The following EPHA5 variants were observed in gnomAD, a reference collection of about 807,000 sequenced individuals.
EPHA5 encodes ephrin type-A receptor 5.
Under a neutral mutation model 105.0 loss-of-function variants are expected in EPHA5, and 60 were observed. That is an observed-to-expected ratio of 0.57 (90% CI 0.46 to 0.71). The LOEUF (loss-of-function observed/expected upper bound fraction) is 0.71. Ranked by LOEUF, EPHA5 falls within the 30% of genes least tolerant of loss-of-function variation. EPHA5 has a pLI of 0.00. For missense variants in EPHA5, 1,218 were observed against 1,274.7 expected, an observed-to-expected ratio of 0.96 and a Z score of 0.68; for synonymous variants, 513 against 449.1, an observed-to-expected ratio of 1.14 and a Z score of -1.80.
At position 65,348,779 on chromosome 4, in the gene EPHA5, A is replaced by ATGTGTG. The variant is rs758698685; in HGVS notation, c.2446-582_2446-577dup. 3.7e-4 allele frequency among the ~76,000 whole-genome samples: 26 copies of ATGTGTG among 69,568 alleles called. 1 individual carries two copies. Among genetic ancestry groups the ATGTGTG allele is most frequent in the African/African-American group, 4.9e-4 (10 of 20,560 alleles). 45.6% of individuals were successfully genotyped at this position (69,568 alleles called of 152,430 possible). ...TATATGTGTATATATATGTGTGTGC[A>ATGTGTG]TGTGTGTGTGTGTGTATATATATAT... On this transcript the variant is annotated intron_variant, in intron 13 of 16. Transcript: ENST00000613740.
At chr4:65,613,216 C>A (rs921748477) in intron 2 of EPHA5, among the ~76,000 whole-genome samples, 10 of 152,042 alleles carry the variant, frequency 6.6e-5, no homozygotes, top group African/African-American at 2.4e-4. Flanking sequence ...GGACTCTATT[C>A]TGTTCCACTG....
At chr4:65,473,663 T>C (rs1240007655) in intron 5 of EPHA5, among the ~76,000 whole-genome samples, 1 of 151,964 alleles carries the variant, frequency 6.6e-6, no homozygotes, top group African/African-American at 2.4e-5. Flanking sequence ...CCTTGACACA[T>C]GGGGATTATG....
intron 3 of EPHA5, chr4:65,574,135 C>G: frequency 1.2e-6 from 2 of 1,608,200 alleles, no homozygotes; most frequent in Admixed American, 1.7e-5. Flanking sequence ...CTGCGGAAGC[C>G]CAGACACCAG....
chr4:65,567,236 T>G (rs1390517036), intron 3 of EPHA5, among the ~76,000 whole-genome samples: 1 of 151,668 alleles, frequency 6.6e-6, no homozygotes, highest in Non-Finnish European at 1.5e-5. Flanking sequence ...GCAAACTTGG[T>G]AGATAATTTA....
chr4:65,539,793 T>A (rs1736642961), intron 3 of EPHA5, among the ~76,000 whole-genome samples: 1 of 151,632 alleles, frequency 6.6e-6, no homozygotes, highest in South Asian at 2.1e-4. Context: ...ATGAGTAATA[T>A]TAGTGTTGAT....
chr4:65,446,182 G>A (rs1348447524), intron 5 of EPHA5, among the ~76,000 whole-genome samples: 1 of 152,072 alleles, frequency 6.6e-6, no homozygotes, highest in Non-Finnish European at 1.5e-5. Flanking sequence ...ACAGATGTCT[G>A]CTTAATGCAA....
rs763862819 is a variant in EPHA5, at chr4:65,669,592, G to A, written c.151C>T (p.Arg51Trp). The A allele has an allele frequency of 1.4e-6, 2 of 1,432,688 alleles. No individual in the cohort carries two copies. 88.7% of individuals were successfully genotyped at this position (1,432,688 alleles called of 1,614,324 possible). A position where few individuals can be genotyped will look rare whatever the true frequency, so the allele number is the denominator to read the frequency against. The part of the protein sequence containing the change: ...WTCLLLCAAL[R>W]TLLASPSNEV... ...TTGCTGGGGCTGGCCAGGAGGGTCC[G>A]GAGTGCGGCGCACAGGAGAAGGCAC... The change falls in exon 1 of 17, where the codon CGG becomes TGG. Residue 51 changes from arginine (R) to tryptophan (W), a missense_variant. Coordinates refer to ENST00000613740, the MANE Select transcript of EPHA5 (RefSeq NM_001281766.3).
intron 3 of EPHA5, among the ~76,000 whole-genome samples, chr4:65,561,699 T>C (rs1312166268): frequency 6.6e-6 from 1 of 152,082 alleles, no homozygotes; most frequent in Non-Finnish European, 1.5e-5. Flanking sequence ...ACCAAGTCCA[T>C]GCACCTCCAT....
At chr4:65,559,468 G>T (rs1045199622) in intron 3 of EPHA5, among the ~76,000 whole-genome samples, 1 of 152,142 alleles carries the variant, frequency 6.6e-6, no homozygotes, top group Non-Finnish European at 1.5e-5. Context: ...CTCCTCTTGG[G>T]CAGGAAATCA....
At chr4:65,553,649 G>A (rs534340711) in intron 3 of EPHA5, among the ~76,000 whole-genome samples, 51 of 152,042 alleles carry the variant, frequency 3.4e-4, no homozygotes, top group African/African-American at 1.1e-3. Context: ...GAAGAAATGC[G>A]GATCACAGTA....
At chr4:65,331,882 T>TA in intron 16 of EPHA5, 91 bp downstream of exon 16, 1 of 1,492,888 alleles carries the variant, frequency 6.7e-7, no homozygotes, top group Non-Finnish European at 8.9e-7. Context: ...CCGCAAAGGT[T>TA]AACTGATTTC....
chr4:65,330,917 G>A (rs4860652), intron 16 of EPHA5: 221,117 of 1,038,904 alleles, frequency 0.21, 24,076 homozygotes, highest in South Asian at 0.25. Context: ...TATGAAGGAA[G>A]AGAATGCTGA....
At chr4:65,540,279 A>G (rs1433943195) in intron 3 of EPHA5, among the ~76,000 whole-genome samples, 1 of 151,514 alleles carries the variant, frequency 6.6e-6, no homozygotes, top group Non-Finnish European at 1.5e-5. Context: ...ATGAAAACTT[A>G]TTTCTTTTCA....
chr4:65,556,207 T>C (rs1217730380), intron 3 of EPHA5, among the ~76,000 whole-genome samples: 1 of 152,184 alleles, frequency 6.6e-6, no homozygotes, highest in Non-Finnish European at 1.5e-5. Context: ...AGTGTGGATA[T>C]GTTTATTTCA....
intron 5 of EPHA5, among the ~76,000 whole-genome samples, chr4:65,453,439 G>T (rs1037732209): frequency 6.6e-6 from 1 of 152,092 alleles, no homozygotes; most frequent in Non-Finnish European, 1.5e-5. Flanking sequence ...ACAATAATTG[G>T]TCACAGAGAG....
intron 5 of EPHA5, among the ~76,000 whole-genome samples, chr4:65,478,650 T>C (rs1275375826): frequency 6.6e-6 from 1 of 152,126 alleles, no homozygotes; most frequent in African/African-American, 2.4e-5. Flanking sequence ...TTTTGTATTT[T>C]TAGTAGAGAT....
rs1385534294 is a variant in EPHA5, at chr4:65,322,776, CTT to C, written c.*1336_*1337del. 7.5e-5 allele frequency: 17 copies of C among 227,316 alleles called. No homozygotes were observed. Among genetic ancestry groups the C allele is most frequent in the South Asian group, 3.7e-4 (2 of 5,464 alleles). The allele number at this position is 227,316 out of a possible 1,614,324, so 14.1% of individuals were successfully genotyped here. A position where few individuals can be genotyped will look rare whatever the true frequency, so the allele number is the denominator to read the frequency against. On this transcript the variant is annotated 3_prime_UTR_variant, in exon 17 of 17. Coordinates refer to ENST00000613740, the MANE Select transcript of EPHA5 (RefSeq NM_001281766.3). Reference sequence around the variant, plus strand: ...GAATAAACATCCATTAAAAATAAAACTTATCAATTATTGAAATAAAATTCTGA... The same window carrying C: ...GAATAAACATCCATTAAAAATAAAACATCAATTATTGAAATAAAATTCTGA...
chr4:65,607,475 C>A (rs907806506), intron 2 of EPHA5, among the ~76,000 whole-genome samples: 1 of 108,196 alleles, frequency 9.2e-6, no homozygotes, highest in South Asian at 3.1e-4. Flanking sequence ...AATACAAAAA[C>A]AAACAAACAA....
At chr4:65,530,055 G>T (rs1029877320) in intron 3 of EPHA5, among the ~76,000 whole-genome samples, 1 of 152,048 alleles carries the variant, frequency 6.6e-6, no homozygotes, top group Non-Finnish European at 1.5e-5. Context: ...TGAATACAGA[G>T]ATAATATAAG....
Sources: gnomAD v4.1 joint callset for allele counts (sites outside exome capture counted in the v4.1 genomes callset) on GRCh38, gnomAD v4.1.1 for gene constraint, MANE v1.5 for transcripts, NCBI Gene and HGNC (gene_info 2026-07-23, HGNC 2026-07-21) for gene names.